The following C1orf87 variants were observed in gnomAD, a reference collection of about 807,000 sequenced individuals.
C1orf87 encodes the protein chromosome 1 open reading frame 87, also known as uncharacterized protein C1orf87.
In C1orf87, 58 loss-of-function variants were observed where a neutral mutation model predicts 60.5. The observed-to-expected ratio is 0.96, with a 90% CI of 0.78 to 1.19. The LOEUF (loss-of-function observed/expected upper bound fraction) is 1.19. Ranked by LOEUF, C1orf87 falls within the 50% of genes most tolerant of loss-of-function variation. The probability of loss-of-function intolerance (pLI) is 0.00; values close to 1 mark genes in which losing one functional copy is unlikely to be tolerated. For missense variants in C1orf87, 673 were observed against 638.6 expected (o/e 1.05, Z -0.58); for synonymous variants, 236 against 227.4 (o/e 1.04, Z -0.34).
rs7541848 is a variant in C1orf87, at chr1:60,060,799, T to C, written c.108-5361A>G. ...CAACCCAAACATTGTTGCATCACGA[T>C]GTCCTCAGGTGGATTACACCCAAGA... On this transcript the variant is annotated intron_variant, in intron 2 of 11. Coordinates refer to ENST00000371201, the MANE Select transcript of C1orf87 (RefSeq NM_152377.3). 4.6e-3 allele frequency among the ~76,000 whole-genome samples: 696 copies of C among 152,276 alleles called. 4 individuals carry two copies. The highest frequency in any genetic ancestry group is 0.016 in the African/African-American group (660 of 41,554).
chr1:60,063,592 C>CA (rs1229123304), intron 2 of C1orf87, among the ~76,000 whole-genome samples: 2 of 152,086 alleles, frequency 1.3e-5, no homozygotes, highest in African/African-American at 4.8e-5. Context: ...CCGTGCTCCA[C>CA]AAAAAATGGC....
At chr1:60,040,969 C>G in intron 4 of C1orf87, 22 bp downstream of exon 4, 1 of 1,574,636 alleles carries the variant, frequency 6.4e-7, no homozygotes, top group Non-Finnish European at 8.6e-7. Context: ...AGACACAACT[C>G]AACAACTCTT....
intron 3 of C1orf87, among the ~76,000 whole-genome samples, chr1:60,043,246 T>C (rs1396218608): frequency 6.6e-6 from 1 of 152,138 alleles, no homozygotes; most frequent in Non-Finnish European, 1.5e-5. Flanking sequence ...GTGGGAGCCA[T>C]AAAAATGTTA....
intron 11 of C1orf87, among the ~76,000 whole-genome samples, chr1:59,993,432 T>A (rs1384984383): frequency 6.6e-6 from 1 of 152,120 alleles, no homozygotes; most frequent in South Asian, 2.1e-4. Flanking sequence ...ATCAACATTA[T>A]TTTAAAAATA....
intron 2 of C1orf87, among the ~76,000 whole-genome samples, chr1:60,067,538 CT>C (rs1310525020): frequency 3.8e-5 from 4 of 105,508 alleles, no homozygotes; most frequent in African/African-American, 1.4e-4. Flanking sequence ...CTGTTCATAT[CT>C]TTTGCCCACT....
At chr1:60,046,761 G>A (rs1420173319) in intron 3 of C1orf87, among the ~76,000 whole-genome samples, 2 of 152,080 alleles carry the variant, frequency 1.3e-5, no homozygotes, top group East Asian at 3.9e-4. Context: ...AAAATGTCTA[G>A]TCTTCCCACT....
rs957605332 is a variant in C1orf87, at chr1:59,996,447, C to A, written c.1480+1162G>T. Reference sequence around the variant, plus strand: ...CCTTCTGAAGTACAACTTCATTACACCACTCCTCTACTTAGAAACTCTCCG... The same window carrying A: ...CCTTCTGAAGTACAACTTCATTACAACACTCCTCTACTTAGAAACTCTCCG... On this transcript the variant is annotated intron_variant, in intron 11 of 11. Transcript: ENST00000371201. Among the ~76,000 whole-genome samples, 3 of 152,146 alleles carry A rather than the reference C, an allele frequency of 2.0e-5. No homozygotes were observed. In the South Asian group the frequency reaches 6.2e-4, roughly 32 times the overall value.
At chr1:60,020,359 C>G (rs1475989977) in intron 8 of C1orf87, among the ~76,000 whole-genome samples, 1 of 152,072 alleles carries the variant, frequency 6.6e-6, no homozygotes, top group Admixed American at 6.5e-5. Flanking sequence ...AATCCACTGA[C>G]AGCTTGCAAC....
At chr1:60,014,225 T>C (rs1300024296) in intron 8 of C1orf87, among the ~76,000 whole-genome samples, 1 of 152,018 alleles carries the variant, frequency 6.6e-6, no homozygotes, top group Non-Finnish European at 1.5e-5. Context: ...AAAACAACAC[T>C]TGTGTAATTT....
At chr1:60,062,150 T>C (rs1645501788) in intron 2 of C1orf87, among the ~76,000 whole-genome samples, 1 of 152,188 alleles carries the variant, frequency 6.6e-6, no homozygotes, top group Non-Finnish European at 1.5e-5. Flanking sequence ...TCCTCTCCTC[T>C]CTTCAGACCT....
intron 8 of C1orf87, among the ~76,000 whole-genome samples, chr1:60,015,460 A>G (rs1645118721): frequency 6.6e-6 from 1 of 152,216 alleles, no homozygotes; most frequent in Non-Finnish European, 1.5e-5. Flanking sequence ...AGGCTGCCAT[A>G]ACAAAATACC....
intron 3 of C1orf87, among the ~76,000 whole-genome samples, chr1:60,044,214 T>A (rs1645349257): frequency 6.6e-6 from 1 of 152,234 alleles, no homozygotes; most frequent in African/African-American, 2.4e-5. Flanking sequence ...GTATTTTTAG[T>A]AGAGACGGGG....
chr1:60,029,205 C>G (rs1024558466), intron 7 of C1orf87, among the ~76,000 whole-genome samples: 3 of 152,092 alleles, frequency 2.0e-5, no homozygotes, highest in Non-Finnish European at 4.4e-5. Context: ...AAGTCAGGGC[C>G]CATATCTAAT....
intron 2 of C1orf87, among the ~76,000 whole-genome samples, chr1:60,059,201 T>G (rs886618893): frequency 6.6e-6 from 1 of 152,184 alleles, no homozygotes; most frequent in South Asian, 2.1e-4. Context: ...GTTATGTTGT[T>G]CACAAACTCA....
At chr1:60,056,473 T>G (rs554218610) in intron 2 of C1orf87, among the ~76,000 whole-genome samples, 3 of 152,332 alleles carry the variant, frequency 2.0e-5, no homozygotes, top group African/African-American at 7.2e-5. Flanking sequence ...CATTGACTAT[T>G]TCATTCTTTG....
At chr1:60,073,184 C>A (rs1000205704) in intron 1 of C1orf87, among the ~76,000 whole-genome samples, 5 of 152,184 alleles carry the variant, frequency 3.3e-5, no homozygotes, top group African/African-American at 1.2e-4. Context: ...GGAGACTGTA[C>A]ACAAGACAGA....
intron 6 of C1orf87, among the ~76,000 whole-genome samples, chr1:60,034,467 T>C (rs1645261135): frequency 6.6e-6 from 1 of 152,200 alleles, no homozygotes; most frequent in African/African-American, 2.4e-5. Context: ...GGACAGTCCA[T>C]GACATTGCTC....
chr1:60,025,321 T>C, intron 8 of C1orf87, 80 bp downstream of exon 8: 2 of 1,148,834 alleles, frequency 1.7e-6, no homozygotes, highest in South Asian at 1.4e-5. Context: ...ACCATCATAT[T>C]TGAAGTTAAA....
At chr1:60,031,601 G>A (rs984450960) in intron 7 of C1orf87, among the ~76,000 whole-genome samples, 1 of 152,122 alleles carries the variant, frequency 6.6e-6, no homozygotes, top group Non-Finnish European at 1.5e-5. Flanking sequence ...CATATTTAGT[G>A]AGGGCCTTAT....
Sources: allele counts gnomAD v4.1 joint callset (sites outside exome capture counted in the v4.1 genomes callset), GRCh38; gene constraint gnomAD v4.1.1; transcripts MANE v1.5; gene names NCBI Gene and HGNC (gene_info 2026-07-23, HGNC 2026-07-21).